NBEA: variants seen among roughly 807,000 people sequenced by gnomAD.
The protein encoded by NBEA is lysosomal-trafficking regulator 2.
A neutral mutation model predicts 343.4 loss-of-function variants in NBEA; 44 were observed. The ratio of observed to expected loss-of-function variants is 0.13; its 90% confidence interval spans 0.10 to 0.16. The LOEUF (loss-of-function observed/expected upper bound fraction) is 0.16, where lower values mean the gene tolerates loss of function less well. Ranked by LOEUF, NBEA falls within the 10% of genes least tolerant of loss-of-function variation. The probability of loss-of-function intolerance (pLI) is 1.00; values close to 1 mark genes in which losing one functional copy is unlikely to be tolerated. For missense variants in NBEA, 2,555 were observed against 3,631.3 expected (o/e 0.70, Z 7.62); for synonymous variants, 1,175 against 1,238.7 (o/e 0.95, Z 1.08).
At chr13:35,480,390 C>A (rs990048619) in intron 41 of NBEA, among the ~76,000 whole-genome samples, 2 of 152,026 alleles carry the variant, frequency 1.3e-5, no homozygotes, top group Admixed American at 1.3e-4. Flanking sequence ...TGCATGTTCA[C>A]AAATCTCAGT....
At chr13:35,038,517 AGC>A (rs933881442) in intron 1 of NBEA, among the ~76,000 whole-genome samples, 20 of 151,760 alleles carry the variant, frequency 1.3e-4, no homozygotes, top group African/African-American at 4.6e-4. Context: ...CAAGGCCCTC[AGC>A]GTAGTACCTT....
chr13:35,651,880 T>A lies in NBEA; in HGVS notation c.8035+4T>A. 1 of 1,507,186 alleles carries A rather than the reference T, an allele frequency of 6.6e-7. No individual in the cohort carries two copies. Among genetic ancestry groups the A allele is most frequent in the Non-Finnish European group, 9.0e-7 (1 of 1,106,870 alleles). The allele number at this position is 1,507,186 out of a possible 1,614,324, so 93.4% of individuals were successfully genotyped here. A position where few individuals can be genotyped will look rare whatever the true frequency, so the allele number is the denominator to read the frequency against. On this transcript the variant is annotated splice_donor_region_variant and intron_variant, in intron 53 of 58. Transcript: ENST00000379939. ...ATTGAAATGGATCCATTAATAGGTA[T>A]GTTAATAAAAAAGAATAAATTTTCA... is the stretch of plus-strand genomic sequence containing the variant.
chr13:35,271,525 G>A (rs2034149304), intron 34 of NBEA, among the ~76,000 whole-genome samples: 1 of 152,224 alleles, frequency 6.6e-6, no homozygotes, highest in African/African-American at 2.4e-5. Context: ...GTTGACAGAA[G>A]TAGGCTTCAG....
At position 35,139,005 on chromosome 13, in the gene NBEA, A is replaced by C. The variant is rs1401597497; in HGVS notation, c.2337-3264A>C. On this transcript the variant is annotated intron_variant, in intron 17 of 58. Coordinates refer to ENST00000379939, the MANE Select transcript of NBEA (RefSeq NM_001385012.1). Reference sequence around the variant, plus strand: ...ATTATGGGGTTTCTTTTCTTTCTTTATTGTTTTCTTTACTGTTTTCATATA... The same window carrying C: ...ATTATGGGGTTTCTTTTCTTTCTTTCTTGTTTTCTTTACTGTTTTCATATA... Among the ~76,000 whole-genome samples the C allele has an allele frequency of 5.2e-5, 7 of 135,312 alleles. No individual in the cohort carries two copies. The East Asian group carries it at 1.1e-3, about 21-fold the overall frequency. The allele number at this position is 135,312 out of a possible 152,430, so 88.8% of individuals were successfully genotyped here. A position where few individuals can be genotyped will look rare whatever the true frequency, so the allele number is the denominator to read the frequency against.
intron 30 of NBEA, among the ~76,000 whole-genome samples, chr13:35,189,471 T>C (rs2072008980): frequency 6.6e-6 from 1 of 152,034 alleles, no homozygotes; most frequent in African/African-American, 2.4e-5. Context: ...TGTTGGCATT[T>C]TATTATTAGT....
intron 35 of NBEA, among the ~76,000 whole-genome samples, chr13:35,298,746 C>T (rs530878344): frequency 2.2e-4 from 33 of 151,972 alleles, no homozygotes; most frequent in South Asian, 2.1e-4. Flanking sequence ...TTATATGATA[C>T]GCCAACTTTT....
At chr13:35,651,778 G>A in intron 52 of NBEA, 27 bp from the exon 53 acceptor site, 1 of 1,393,076 alleles carries the variant, frequency 7.2e-7, no homozygotes, top group Non-Finnish European at 1.0e-6. Flanking sequence ...TTTTATGTTA[G>A]TTTTTCTCTC....
At chr13:35,304,411 T>C (rs1594139760) in intron 35 of NBEA, among the ~76,000 whole-genome samples, 2 of 151,796 alleles carry the variant, frequency 1.3e-5, no homozygotes, top group East Asian at 3.9e-4. Context: ...CTGGAGTGCA[T>C]TGGCGCGGTA....
At chr13:35,220,788 C>T (rs1266842745) in intron 33 of NBEA, among the ~76,000 whole-genome samples, 1 of 152,092 alleles carries the variant, frequency 6.6e-6, no homozygotes, top group Non-Finnish European at 1.5e-5. Flanking sequence ...ACTTCCTAGC[C>T]ATTACCTCTT....
At chr13:34,993,331 T>C (rs1206329107) in intron 1 of NBEA, among the ~76,000 whole-genome samples, 1 of 152,248 alleles carries the variant, frequency 6.6e-6, no homozygotes, top group East Asian at 1.9e-4. Flanking sequence ...GAATTTCTCA[T>C]TGTTGCAAAT....
At chr13:35,194,040 T>G (rs2072401986) in intron 30 of NBEA, among the ~76,000 whole-genome samples, 3 of 151,970 alleles carry the variant, frequency 2.0e-5, no homozygotes, top group Admixed American at 2.0e-4. Context: ...ATGGGAGATT[T>G]TATTTCAAAA....
chr13:35,347,324 T>C (rs923872257), intron 36 of NBEA, among the ~76,000 whole-genome samples: 7 of 152,050 alleles, frequency 4.6e-5, no homozygotes, highest in African/African-American at 1.7e-4. Flanking sequence ...AAAAAGTTGA[T>C]ATATTTCATT....
intron 44 of NBEA, among the ~76,000 whole-genome samples, chr13:35,555,368 A>T (rs549807989): frequency 4.5e-4 from 68 of 152,246 alleles, no homozygotes; most frequent in African/African-American, 1.6e-3. Context: ...AGAGTCAACA[A>T]ACCATTGCCA....
chr13:35,016,589 TACACACACACACACACAC>T (rs66655195), intron 1 of NBEA, among the ~76,000 whole-genome samples: 4 of 148,170 alleles, frequency 2.7e-5, no homozygotes, highest in Non-Finnish European at 4.5e-5. Flanking sequence ...TGTATGTGTA[TACACACACACACACACAC>T]ACACACACAC....
At chr13:35,460,180 G>A (rs887624631) in intron 40 of NBEA, among the ~76,000 whole-genome samples, 17 of 152,044 alleles carry the variant, frequency 1.1e-4, no homozygotes, top group African/African-American at 2.9e-4. Flanking sequence ...AATTTTCCCC[G>A]TATTTTTTAA....
chr13:35,127,302 A>G (rs1356404242), intron 17 of NBEA, among the ~76,000 whole-genome samples: 1 of 152,204 alleles, frequency 6.6e-6, no homozygotes, highest in African/African-American at 2.4e-5. Flanking sequence ...TTTTAGCCAT[A>G]CAGCAAATTA....
chr13:35,087,255 G>A (rs1319327870), intron 10 of NBEA, among the ~76,000 whole-genome samples: 1 of 151,650 alleles, frequency 6.6e-6, no homozygotes, highest in Non-Finnish European at 1.5e-5. Flanking sequence ...AAAAAAACAT[G>A]GTGAAAACAC....
intron 55 of NBEA, among the ~76,000 whole-genome samples, chr13:35,661,568 G>A (rs1401628748): frequency 6.6e-6 from 1 of 152,048 alleles, no homozygotes; most frequent in Non-Finnish European, 1.5e-5. Flanking sequence ...TGGGAAATGC[G>A]GGTCCAAGTG....
chr13:35,120,028 GAAT>G (rs1226605568), intron 16 of NBEA, among the ~76,000 whole-genome samples: 3 of 152,106 alleles, frequency 2.0e-5, no homozygotes, highest in Non-Finnish European at 4.4e-5. Flanking sequence ...TATTTAGATT[GAAT>G]AATTAGTGTC....
Sources: allele counts gnomAD v4.1 joint callset (sites outside exome capture counted in the v4.1 genomes callset), GRCh38; gene constraint gnomAD v4.1.1; transcripts MANE v1.5; gene names NCBI Gene and HGNC (gene_info 2026-07-23, HGNC 2026-07-21).